GUCY1A2: variants seen among roughly 807,000 people sequenced by gnomAD.
GUCY1A2 encodes the protein guanylate cyclase soluble subunit alpha-2.
Under a neutral mutation model 63.5 loss-of-function variants are expected in GUCY1A2, and 27 were observed. That is an observed-to-expected ratio of 0.43 (90% CI 0.31 to 0.59). The LOEUF (loss-of-function observed/expected upper bound fraction) is 0.59. Ranked by LOEUF, GUCY1A2 falls within the 20% of genes least tolerant of loss-of-function variation. The pLI is 0.11. For missense variants in GUCY1A2, 768 were observed against 913.3 expected (o/e 0.84, Z 2.05); for synonymous variants, 364 against 343.5 (o/e 1.06, Z -0.66).
At chr11:106,944,060 T>C (rs1473100938) in intron 3 of GUCY1A2, among the ~76,000 whole-genome samples, 1 of 150,110 alleles carries the variant, frequency 6.7e-6, no homozygotes, top group Non-Finnish European at 1.5e-5. Context: ...GTACAAAAAT[T>C]AGCAGGGCAT....
chr11:106,818,824 T>C (rs966157671), intron 4 of GUCY1A2, among the ~76,000 whole-genome samples: 3 of 152,162 alleles, frequency 2.0e-5, no homozygotes, highest in African/African-American at 7.2e-5. Flanking sequence ...GTAGTATGCA[T>C]GGAAGATCAA....
At chr11:106,945,921 C>A (rs2119999000) in intron 3 of GUCY1A2, among the ~76,000 whole-genome samples, 1 of 152,254 alleles carries the variant, frequency 6.6e-6, no homozygotes, top group African/African-American at 2.4e-5. Flanking sequence ...GCTGAGATCA[C>A]ACCACTGCAC....
At chr11:106,727,462 T>G (rs529518660) in intron 6 of GUCY1A2, among the ~76,000 whole-genome samples, 1 of 152,182 alleles carries the variant, frequency 6.6e-6, no homozygotes, top group African/African-American at 2.4e-5. Context: ...ATGGATGACA[T>G]GAACTTCTCC....
At chr11:106,954,010 T>C (rs768691342) in intron 3 of GUCY1A2, among the ~76,000 whole-genome samples, 2 of 152,144 alleles carry the variant, frequency 1.3e-5, no homozygotes, top group East Asian at 3.9e-4. Context: ...TGTCTCTATC[T>C]CCTTCAATTC....
intron 4 of GUCY1A2, among the ~76,000 whole-genome samples, chr11:106,863,589 T>A (rs1480453245): frequency 6.6e-6 from 1 of 152,186 alleles, no homozygotes; most frequent in African/African-American, 2.4e-5. Flanking sequence ...AGCTTTGTTC[T>A]TTTTGCTTAG....
intron 4 of GUCY1A2, among the ~76,000 whole-genome samples, chr11:106,890,477 G>A (rs1859958495): frequency 6.6e-6 from 1 of 152,166 alleles, no homozygotes; most frequent in African/African-American, 2.4e-5. Flanking sequence ...TTCTAGTCAA[G>A]AAGGCTCAGT....
intron 7 of GUCY1A2, among the ~76,000 whole-genome samples, chr11:106,694,600 GT>G (rs1171140212): frequency 1.3e-5 from 2 of 152,330 alleles, no homozygotes; most frequent in African/African-American, 4.8e-5. Context: ...AGCTTCCTAA[GT>G]GTCAAGAAAA....
chr11:106,746,924 C>A (rs1863798195), intron 6 of GUCY1A2, among the ~76,000 whole-genome samples: 1 of 152,140 alleles, frequency 6.6e-6, no homozygotes, highest in Non-Finnish European at 1.5e-5. Context: ...TGGGCAAAAC[C>A]TTATTTTCCA....
intron 6 of GUCY1A2, among the ~76,000 whole-genome samples, chr11:106,739,328 C>T (rs1393459729): frequency 6.6e-6 from 1 of 152,160 alleles, no homozygotes; most frequent in East Asian, 1.9e-4. Context: ...ATGTCATCTA[C>T]AAACAGAGAC....
intron 5 of GUCY1A2, among the ~76,000 whole-genome samples, chr11:106,786,192 GGTT>G (rs1206660812): frequency 8.5e-5 from 13 of 152,050 alleles, no homozygotes; most frequent in African/African-American, 3.1e-4. Context: ...AATGGAAACA[GGTT>G]TAAGGATTTA....
At chr11:106,727,937 C>G (rs1474685224) in intron 6 of GUCY1A2, among the ~76,000 whole-genome samples, 1 of 152,160 alleles carries the variant, frequency 6.6e-6, no homozygotes, top group African/African-American at 2.4e-5. Flanking sequence ...AGACATTCAT[C>G]TGAACAGGTT....
rs766634564 is a variant in GUCY1A2, at chr11:106,810,482, T to C, written c.1207-4A>G. 2.4e-5 allele frequency: 38 copies of C among 1,590,162 alleles called. No homozygotes were observed. In the Admixed American group the frequency reaches 5.5e-4, roughly 23 times the overall value. On this transcript the variant is annotated splice_region_variant and splice_polypyrimidine_tract_variant and intron_variant, in intron 4 of 7. Coordinates refer to ENST00000526355, the MANE Select transcript of GUCY1A2 (RefSeq NM_000855.3). Reference sequence around the variant, plus strand: ...TTTGTCCTTTGACTTCCATCACCTGTGAAATTAACATGGAATTTTGATCAG... The same window carrying C: ...TTTGTCCTTTGACTTCCATCACCTGCGAAATTAACATGGAATTTTGATCAG...
chr11:106,777,893 G>C (rs1864387335), intron 5 of GUCY1A2, among the ~76,000 whole-genome samples: 1 of 152,052 alleles, frequency 6.6e-6, no homozygotes, highest in South Asian at 2.1e-4. Context: ...AGGTGCAGAG[G>C]CCCATCCATA....
chr11:106,806,298 A>G (rs1858683827), intron 5 of GUCY1A2, among the ~76,000 whole-genome samples: 1 of 152,202 alleles, frequency 6.6e-6, no homozygotes, highest in Middle Eastern at 3.2e-3. Flanking sequence ...TTTATGGGGT[A>G]TAGAACTGGA....
chr11:106,709,448 TA>T (rs1863003582), intron 6 of GUCY1A2, among the ~76,000 whole-genome samples: 1 of 98,304 alleles, frequency 1.0e-5, no homozygotes, highest in Non-Finnish European at 1.8e-5. Context: ...TAATAATATA[TA>T]TTCTATATTT....
intron 6 of GUCY1A2, among the ~76,000 whole-genome samples, chr11:106,771,319 C>T (rs1864251106): frequency 6.6e-6 from 1 of 152,126 alleles, no homozygotes; most frequent in African/African-American, 2.4e-5. Flanking sequence ...AAAAACTATT[C>T]AAAATACCTT....
chr11:107,017,932 G>A lies in GUCY1A2; in HGVS notation c.124C>T (p.Pro42Ser). The A allele has an allele frequency of 7.5e-7, 1 of 1,335,316 alleles. No homozygotes were observed. Among genetic ancestry groups the A allele is most frequent in the Non-Finnish European group, 9.6e-7 (1 of 1,036,326 alleles). The allele number at this position is 1,335,316 out of a possible 1,614,324, so 82.7% of individuals were successfully genotyped here. A position where few individuals can be genotyped will look rare whatever the true frequency, so the allele number is the denominator to read the frequency against. ...SRLCWNGSRS[P>S]PGPLEPSPAA... ...GGGCTGGGCTCCAGCGGCCCGGGCGGGCTCCGGCTGCCATTCCAGCAGAGC... is the reference window on the plus strand; with the variant it reads ...GGGCTGGGCTCCAGCGGCCCGGGCGAGCTCCGGCTGCCATTCCAGCAGAGC... Residue 42 changes from proline to serine, a missense_variant, in exon 1 of 8, where the codon CCG (proline) becomes TCG (serine). Physicochemically the swap from Pro to Ser is moderately conservative, Grantham distance 74. Coordinates refer to ENST00000526355, the MANE Select transcript of GUCY1A2 (RefSeq NM_000855.3).
At chr11:106,936,657 CTGT>C in intron 4 of GUCY1A2, 1 of 1,527,506 alleles carries the variant, frequency 6.5e-7, no homozygotes, top group South Asian at 1.2e-5. Context: ...AACCTCAAGA[CTGT>C]TGAATCCTGC....
chr11:107,017,343 T>C (rs1049148623), intron 1 of GUCY1A2, among the ~76,000 whole-genome samples: 1 of 151,992 alleles, frequency 6.6e-6, no homozygotes, highest in African/African-American at 2.4e-5. Flanking sequence ...TGGGGCTCCT[T>C]TGGGATGCTG....
Sources: allele counts gnomAD v4.1 joint callset (sites outside exome capture counted in the v4.1 genomes callset), GRCh38; gene constraint gnomAD v4.1.1; transcripts MANE v1.5; gene names NCBI Gene and HGNC (gene_info 2026-07-23, HGNC 2026-07-21).